INSYN2A: variants seen among roughly 807,000 people sequenced by gnomAD.
The protein encoded by INSYN2A is family with sequence similarity 196 member A.
INSYN2A carries 17 observed loss-of-function variants against 39.4 expected under a neutral mutation model. The observed-to-expected ratio is 0.43, with a 90% CI of 0.30 to 0.65. The LOEUF (loss-of-function observed/expected upper bound fraction) is 0.65. INSYN2A is among the 30% of genes least tolerant of loss of function. INSYN2A has a pLI of 0.14. For missense variants in INSYN2A, 595 were observed against 631.2 expected (o/e 0.94, Z 0.61); for synonymous variants, 255 against 265.7 (o/e 0.96, Z 0.39).
intron 5 of INSYN2A, among the ~76,000 whole-genome samples, chr10:127,147,434 G>A (rs2051991124): frequency 6.6e-6 from 1 of 152,180 alleles, no homozygotes; most frequent in Admixed American, 6.5e-5. Flanking sequence ...TTGCCAGGTC[G>A]GGCACCCTGG....
At chr10:127,144,369 A>G (rs1326446844) in intron 5 of INSYN2A, among the ~76,000 whole-genome samples, 4 of 152,148 alleles carry the variant, frequency 2.6e-5, no homozygotes, top group Non-Finnish European at 4.4e-5. Context: ...CTAGGTTTCC[A>G]TGAGAGCCTG....
chr10:127,138,808 T>A (rs1201033254), intron 5 of INSYN2A, among the ~76,000 whole-genome samples: 1 of 152,242 alleles, frequency 6.6e-6, no homozygotes, highest in Admixed American at 6.5e-5. Context: ...ATTTTTGAAC[T>A]ATGTTATTTC....
intron 4 of INSYN2A, among the ~76,000 whole-genome samples, chr10:127,165,908 T>C (rs2054026702): frequency 1.3e-5 from 2 of 152,324 alleles, no homozygotes; most frequent in South Asian, 2.1e-4. Flanking sequence ...CTGCTGTCTC[T>C]AGCACCGGAA....
chr10:127,168,486 A>C (rs2054278331), intron 4 of INSYN2A, among the ~76,000 whole-genome samples: 1 of 152,226 alleles, frequency 6.6e-6, no homozygotes, highest in Non-Finnish European at 1.5e-5. Context: ...GGCCAGAGCC[A>C]GGGAACACGG....
At position 127,175,098 on chromosome 10, in the gene INSYN2A, C is replaced by G. The variant is rs1009075486; in HGVS notation, c.1184+114G>C. ...GCTCGCCACGCCCTTAGACTATGAC[C>G]TGTTTACGGAAATGCTGGCTTTAGT... On this transcript the variant is annotated intron_variant, in intron 4 of 5. Coordinates refer to ENST00000522781, the MANE Select transcript of INSYN2A (RefSeq NM_001039762.3). This position sits in a 1 kb window ranked among gnomAD's most constrained non-coding sequence, Gnocchi z 6.3. 2 of 908,896 alleles carry G rather than the reference C, an allele frequency of 2.2e-6. No homozygotes were observed. The highest frequency in any genetic ancestry group is 1.7e-6 in the Non-Finnish European group (1 of 578,978). 56.3% of individuals were successfully genotyped at this position (908,896 alleles called of 1,614,324 possible).
chr10:127,142,191 T>C (rs571058618), intron 5 of INSYN2A, among the ~76,000 whole-genome samples: 1 of 152,230 alleles, frequency 6.6e-6, no homozygotes, highest in Non-Finnish European at 1.5e-5. Flanking sequence ...CCAGACGTGC[T>C]GTGTGCACCT....
intron 4 of INSYN2A, among the ~76,000 whole-genome samples, chr10:127,173,057 G>A (rs1016955272): frequency 1.2e-4 from 18 of 152,160 alleles, no homozygotes; most frequent in Admixed American, 1.0e-3. Context: ...CCTGTGTGCC[G>A]GGCATATAGG....
At chr10:127,150,575 C>T (rs2052391855) in intron 5 of INSYN2A, among the ~76,000 whole-genome samples, 1 of 152,226 alleles carries the variant, frequency 6.6e-6, no homozygotes, top group African/African-American at 2.4e-5. Flanking sequence ...TCCTGTGACT[C>T]TCTGTCCTTA....
intron 2 of INSYN2A, among the ~76,000 whole-genome samples, chr10:127,177,392 C>T (rs1007057069): frequency 9.2e-5 from 14 of 152,266 alleles, no homozygotes; most frequent in Admixed American, 6.5e-4. Flanking sequence ...CTTTATTAGG[C>T]GGATTCACAG....
intron 5 of INSYN2A, among the ~76,000 whole-genome samples, chr10:127,144,234 C>A (rs1175709363): frequency 3.3e-5 from 5 of 152,152 alleles, no homozygotes; most frequent in African/African-American, 1.2e-4. Context: ...CCCTGCTTAT[C>A]CTTCAAAACC....
In INSYN2A at chr10:127,137,959, G is replaced by A. The variant is rs781443266; in HGVS notation, c.1318C>T (p.Pro440Ser). 1.2e-6 allele frequency: 2 copies of A among 1,613,862 alleles called. No individual in the cohort carries two copies. The highest frequency in any genetic ancestry group is 1.3e-5 in the African/African-American group (1 of 74,894). Residue 440 changes from proline to serine, a missense_variant, in exon 6 of 6, where the codon CCT becomes TCT. Pro to Ser is a moderately conservative substitution (Grantham distance 74). This residue lies in a region of INSYN2A where 117 missense variants were observed against 163.8 expected (regional missense o/e 0.71). Transcript: ENST00000522781. ...GGTATGACCTGAGTTTCCTCAATAG[G>A]GTGGAGTTTTCTTAGAACCGGCTGG... ...KLQPVLRKLH[P>S]IEETQVIPSP...
At chr10:127,174,095 C>CAATCCTCTTA (rs2133871813) in intron 4 of INSYN2A, among the ~76,000 whole-genome samples, 1 of 152,346 alleles carries the variant, frequency 6.6e-6, no homozygotes, top group East Asian at 1.9e-4. Flanking sequence ...TCAGCCACAG[C>CAATCCTCTTA]AATCCTCTTA....
intron 1 of INSYN2A, among the ~76,000 whole-genome samples, chr10:127,194,535 C>T (rs1433928352): frequency 2.0e-5 from 3 of 152,148 alleles, no homozygotes; most frequent in African/African-American, 4.8e-5. Flanking sequence ...AGTGAAATGA[C>T]GGTAACTTGC....
intron 5 of INSYN2A, among the ~76,000 whole-genome samples, chr10:127,151,454 T>G (rs1403474601): frequency 6.6e-6 from 1 of 152,208 alleles, no homozygotes; most frequent in African/African-American, 2.4e-5. Flanking sequence ...TTTGTCATTG[T>G]GACCACTCCA....
At chr10:127,180,995 A>G (rs571018082) in intron 2 of INSYN2A, among the ~76,000 whole-genome samples, 2 of 152,294 alleles carry the variant, frequency 1.3e-5, no homozygotes, top group East Asian at 3.9e-4. Context: ...AAATAACACA[A>G]GGTAAAATCT....
chr10:127,141,205 G>A (rs2051208236), intron 5 of INSYN2A, among the ~76,000 whole-genome samples: 1 of 152,122 alleles, frequency 6.6e-6, no homozygotes, highest in South Asian at 2.1e-4. Flanking sequence ...TGTCTTATTT[G>A]TTTTTGCACT....
At chr10:127,179,244 G>A (rs1022034479) in intron 2 of INSYN2A, among the ~76,000 whole-genome samples, 4 of 152,146 alleles carry the variant, frequency 2.6e-5, no homozygotes, top group Non-Finnish European at 5.9e-5. Context: ...GGTCTTGGAC[G>A]CAACCATCAA....
intron 2 of INSYN2A, among the ~76,000 whole-genome samples, chr10:127,185,569 C>T (rs908544054): frequency 6.6e-6 from 1 of 152,132 alleles, no homozygotes; most frequent in Admixed American, 6.5e-5. Flanking sequence ...AGCAAGAAGA[C>T]TTAGGATGAG....
At chr10:127,184,055 G>T (rs2055987284) in intron 2 of INSYN2A, among the ~76,000 whole-genome samples, 1 of 152,130 alleles carries the variant, frequency 6.6e-6, no homozygotes, top group South Asian at 2.1e-4. Context: ...TGGAGGAGGA[G>T]GACTCAGTGG....
Sources: allele counts gnomAD v4.1 joint callset (sites outside exome capture counted in the v4.1 genomes callset), GRCh38; gene constraint gnomAD v4.1.1; regional missense constraint gnomAD v4.1.1; non-coding constraint Gnocchi (gnomAD v3.1); transcripts MANE v1.5; gene names NCBI Gene and HGNC (gene_info 2026-07-23, HGNC 2026-07-21).